SH3GLB2: variants seen among roughly 807,000 people sequenced by gnomAD.
SH3GLB2 encodes SH3 domain containing GRB2 like, endophilin B2.
A neutral mutation model predicts 48.0 loss-of-function variants in SH3GLB2; 24 were observed. The ratio of observed to expected loss-of-function variants is 0.50; its 90% confidence interval spans 0.36 to 0.70. The LOEUF (loss-of-function observed/expected upper bound fraction) is 0.70. Ranked by LOEUF, SH3GLB2 falls within the 30% of genes least tolerant of loss-of-function variation. The pLI, the probability that SH3GLB2 is intolerant of heterozygous loss-of-function variation, is 0.00. For synonymous variants in SH3GLB2, 227 were observed against 207.6 expected (o/e 1.09, Z -0.80); for missense variants, 425 against 516.0 (o/e 0.82, Z 1.71).
At chr9:129,020,007 C>T (rs1843683373) in intron 3 of SH3GLB2, among the ~76,000 whole-genome samples, 1 of 150,922 alleles carries the variant, frequency 6.6e-6, no homozygotes, top group Non-Finnish European at 1.5e-5. Flanking sequence ...AGTTGGAAAC[C>T]AGCCTGGCCA....
At chr9:129,013,763 G>A (rs1252960605) in intron 5 of SH3GLB2, 3 of 233,858 alleles carry the variant, frequency 1.3e-5, no homozygotes, top group South Asian at 4.6e-5. Context: ...TGGCAGCCCT[G>A]AGCAACCTCT....
intron 10 of SH3GLB2, 47 bp from the exon 11 acceptor site, chr9:129,008,838 A>C: frequency 6.4e-7 from 1 of 1,559,066 alleles, no homozygotes; most frequent in Non-Finnish European, 8.8e-7. Context: ...CCAAGGGTGG[A>C]ACTGGCCCCA....
rs1420384572 is a variant in SH3GLB2, at chr9:129,011,614, C to G, written c.624+622G>C. On this transcript the variant is annotated intron_variant, in intron 6 of 10. Transcript: ENST00000372564. This position sits in a 1 kb window ranked among gnomAD's most constrained non-coding sequence, Gnocchi z 4.5. ...AAACTACATAGGAAACACCAGACTT[C>G]CCAAGAAAGCCTAAAAACCAACAGA... 6.6e-6 allele frequency: 1 copy of G among 152,508 alleles called. No individual in the cohort carries two copies. The highest frequency in any genetic ancestry group is 2.4e-5 in the African/African-American group (1 of 41,402). The allele number at this position is 152,508 out of a possible 1,614,324, so 9.4% of individuals were successfully genotyped here. A position where few individuals can be genotyped will look rare whatever the true frequency, so the allele number is the denominator to read the frequency against.
intron 3 of SH3GLB2, among the ~76,000 whole-genome samples, chr9:129,016,342 TA>T (rs57505648): frequency 4.5e-3 from 154 of 34,102 alleles, no homozygotes; most frequent in African/African-American, 7.4e-3. Context: ...AGACTGTCTT[TA>T]AAAAAAAAAA....
rs752676035 is a variant in SH3GLB2 at position 129,022,273 on chromosome 9, C to A, written c.205+9G>T. 6.2e-7 allele frequency: 1 copy of A among 1,613,016 alleles called. No homozygotes were observed. Among genetic ancestry groups the A allele is most frequent in the Non-Finnish European group, 8.5e-7 (1 of 1,179,824 alleles). On this transcript the variant is annotated intron_variant, in intron 2 of 10. Transcript: ENST00000372564. Reference sequence around the variant, plus strand: ...ACATCCCTCCCCGGGCCCACGAACACGCACTCACTGGGGTTGGGCTGCAGC... The same window carrying A: ...ACATCCCTCCCCGGGCCCACGAACAAGCACTCACTGGGGTTGGGCTGCAGC...
At chr9:129,010,401 G>A in intron 7 of SH3GLB2, 192 bp from the exon 8 acceptor site, 3 of 640,340 alleles carry the variant, frequency 4.7e-6, no homozygotes, top group Non-Finnish European at 2.8e-6. Flanking sequence ...GGACCCCACA[G>A]GCAGCTGCAG....
intron 2 of SH3GLB2, 129 bp downstream of exon 2, chr9:129,022,153 T>G: frequency 7.2e-7 from 1 of 1,392,778 alleles, no homozygotes; most frequent in Non-Finnish European, 9.5e-7. Context: ...TCAACAGCCT[T>G]GAGCCCAAGA....
intron 3 of SH3GLB2, among the ~76,000 whole-genome samples, chr9:129,018,089 C>A (rs762527878): frequency 6.6e-6 from 1 of 151,904 alleles, no homozygotes; most frequent in African/African-American, 2.4e-5. Flanking sequence ...GAGACTCCAT[C>A]TCAAAATAAT....
In SH3GLB2 at chr9:129,014,553, C is replaced by T. The variant is rs373652284; in HGVS notation, c.469-50G>A. 3 of 1,537,406 alleles carry T rather than the reference C, an allele frequency of 2.0e-6. No individual in the cohort carries two copies. The African/African-American group carries it at 4.1e-5, about 21-fold the overall frequency. ...TGAGACCCTGGGCTGCCCTGGGAGA[C>T]CCTGAGCCATGCATGGCAAGATTGG... is the stretch of plus-strand genomic sequence containing the variant. On this transcript the variant is annotated intron_variant, in intron 4 of 10. Transcript: ENST00000372564. This position sits in a 1 kb window ranked among gnomAD's most constrained non-coding sequence, Gnocchi z 4.1.
intron 1 of SH3GLB2, among the ~76,000 whole-genome samples, chr9:129,025,695 A>T (rs1844121895): frequency 6.6e-6 from 1 of 151,064 alleles, no homozygotes; most frequent in Admixed American, 6.6e-5. Flanking sequence ...AGCTACCCTG[A>T]TGGTACCAAG....
intron 5 of SH3GLB2, 98 bp from the exon 6 acceptor site, chr9:129,012,396 C>A: frequency 1.4e-6 from 1 of 695,224 alleles, no homozygotes; most frequent in Non-Finnish European, 2.1e-6. Flanking sequence ...CAAGGAGATG[C>A]CAAGAGGCCT....
At chr9:129,018,051 C>T (rs1588324957) in intron 3 of SH3GLB2, among the ~76,000 whole-genome samples, 1 of 152,066 alleles carries the variant, frequency 6.6e-6, no homozygotes, top group Non-Finnish European at 1.5e-5. Context: ...CAGATGGCAC[C>T]ATTGCACTCC....
chr9:129,009,939 C>T, intron 8 of SH3GLB2, 68 bp from the exon 9 acceptor site: 1 of 1,488,164 alleles, frequency 6.7e-7, no homozygotes, highest in Admixed American at 1.8e-5. Flanking sequence ...CCGTCCCCAT[C>T]CCCGTCCTCT....
chr9:129,009,093 GCAC>G lies in SH3GLB2; in HGVS notation c.1080+10_1080+12del, dbSNP rs750657455. On this transcript the variant is annotated intron_variant, in intron 10 of 10. Coordinates refer to ENST00000372564, the MANE Select transcript of SH3GLB2 (RefSeq NM_020145.4). The stretch of plus-strand genomic sequence containing the variant: ...CAGCCCATTCCTGCCCCACCTTGCG[GCAC>G]CGGGCCCACCTCATCAGCCAGCAGG... 2.3e-5 allele frequency: 37 copies of G among 1,605,874 alleles called. No individual in the cohort carries two copies. The South Asian group carries it at 3.2e-4, about 14-fold the overall frequency.
In SH3GLB2 at chr9:129,014,896, G is replaced by A. The variant is rs751168181; in HGVS notation, c.343C>T (p.Leu115=). The A allele has an allele frequency of 3.7e-6, 6 of 1,613,774 alleles. No individual in the cohort carries two copies. Among genetic ancestry groups the A allele is most frequent in the Non-Finnish European group, 5.1e-6 (6 of 1,179,860 alleles). The change falls in exon 4 of 11, where the codon CTG becomes TTG. Residue 115 remains leucine (L), a synonymous_variant. Coordinates refer to ENST00000372564, the MANE Select transcript of SH3GLB2 (RefSeq NM_020145.4). The surrounding 1 kb of genome is among the most constrained non-coding windows in gnomAD (Gnocchi z 4.1). The part of the protein sequence containing the change: ...LGPTTPYGKT[L]IKVAEAEKQL... ...TTTTCAGCTTCTGCCACCTTGATCA[G>A]TGTCTTCCCTGAGAAAACAGAGTTG...
chr9:129,014,531 G>C lies in SH3GLB2; in HGVS notation c.469-28C>G. 1 of 1,549,062 alleles carries C rather than the reference G, an allele frequency of 6.5e-7. No homozygotes were observed. Among genetic ancestry groups the C allele is most frequent in the Non-Finnish European group, 8.7e-7 (1 of 1,144,608 alleles). Reference sequence around the variant, plus strand: ...ACAGGGCAGGGCATGGGGACAGTGAGACCCTGGGCTGCCCTGGGAGACCCT... The same window carrying C: ...ACAGGGCAGGGCATGGGGACAGTGACACCCTGGGCTGCCCTGGGAGACCCT... On this transcript the variant is annotated intron_variant, in intron 4 of 10. Transcript: ENST00000372564. This position sits in a 1 kb window ranked among gnomAD's most constrained non-coding sequence, Gnocchi z 4.1.
At position 129,022,354 on chromosome 9, in the gene SH3GLB2, G is replaced by A. The variant is rs774874088; in HGVS notation, c.133C>T (p.Arg45Trp). The change falls in exon 2 of 11, where the codon CGG (arginine) becomes TGG (tryptophan). Residue 45 changes from arginine to tryptophan, a missense_variant. Physicochemically the swap from Arg to Trp is moderately radical, Grantham distance 101. Transcript: ENST00000372564. ...GTCCAGTTCTTGGTGCTGTCTGCCC[G>A]GGCCAGAAGGTTTTCAAAGTGGGCA... ...LDAHFENLLA[R>W]ADSTKNWTEK... 8 of 1,614,132 alleles carry A rather than the reference G, an allele frequency of 5.0e-6. No homozygotes were observed. The highest frequency in any genetic ancestry group is 2.2e-5 in the South Asian group (2 of 91,072).
chr9:129,018,349 G>A (rs56332762), intron 3 of SH3GLB2, among the ~76,000 whole-genome samples: 9,855 of 152,080 alleles, frequency 0.065, 414 homozygotes, highest in Non-Finnish European at 0.091. Context: ...AGGCCAAGGC[G>A]GGCGGATCAC....
At chr9:129,013,091 G>C in intron 5 of SH3GLB2, 1 of 1,535,600 alleles carries the variant, frequency 6.5e-7, no homozygotes, top group East Asian at 2.4e-5. Flanking sequence ...AGCGCAGGCA[G>C]GAGCAGGCCC....
Sources: gnomAD v4.1 joint callset for allele counts (sites outside exome capture counted in the v4.1 genomes callset) on GRCh38, gnomAD v4.1.1 for gene constraint, Gnocchi (gnomAD v3.1) non-coding constraint, MANE v1.5 for transcripts, NCBI Gene and HGNC (gene_info 2026-07-23, HGNC 2026-07-21) for gene names.